TACR3: variants seen among roughly 807,000 people sequenced by gnomAD.
The protein encoded by TACR3 is tachykinin receptor 3, also known as neuromedin-K receptor.
TACR3 carries 34 observed loss-of-function variants against 35.0 expected under a neutral mutation model. That is an observed-to-expected ratio of 0.97 (90% confidence interval 0.74 to 1.30). TACR3 has a LOEUF of 1.30. Among genes scored for constraint, TACR3 ranks in the 50% most tolerant of loss-of-function variants. The probability of loss-of-function intolerance (pLI) is 0.00; values close to 1 mark genes in which losing one functional copy is unlikely to be tolerated. For missense variants in TACR3, 558 were observed against 591.7 expected (o/e 0.94, Z 0.59); for synonymous variants, 233 against 221.1 (o/e 1.05, Z -0.48).
intron 3 of TACR3, among the ~76,000 whole-genome samples, chr4:103,609,766 A>G (rs1044708068): frequency 6.6e-6 from 1 of 151,676 alleles, no homozygotes; most frequent in African/African-American, 2.4e-5. Context: ...CTCTCCTGCC[A>G]CTCTCCTCAG....
At chr4:103,711,219 T>C (rs915542024) in intron 1 of TACR3, among the ~76,000 whole-genome samples, 3 of 152,178 alleles carry the variant, frequency 2.0e-5, no homozygotes, top group Non-Finnish European at 4.4e-5. Flanking sequence ...ATATCCCTGA[T>C]GAACATTGAT....
intron 3 of TACR3, among the ~76,000 whole-genome samples, chr4:103,605,711 A>T (rs1317394276): frequency 6.6e-6 from 1 of 151,726 alleles, no homozygotes; most frequent in Admixed American, 6.6e-5. Context: ...TTCATTGTAG[A>T]TTCTGGATAT....
At chr4:103,604,970 TCCCTCCC>T (rs1365688741) in intron 3 of TACR3, among the ~76,000 whole-genome samples, 1 of 122,508 alleles carries the variant, frequency 8.2e-6, no homozygotes, top group Non-Finnish European at 1.7e-5. Context: ...CCCAATGCTA[TCCCTCCC>T]CCCTCCCCCC....
intron 1 of TACR3, among the ~76,000 whole-genome samples, chr4:103,703,954 T>A (rs575057456): frequency 9.9e-5 from 15 of 150,900 alleles, no homozygotes; most frequent in African/African-American, 2.9e-4. Context: ...ACAAAAAAAA[T>A]TTAGCAGGGC....
At position 103,707,144 on chromosome 4, in the gene TACR3, A is replaced by G. The variant is rs559082585; in HGVS notation, c.548+11984T>C. 5.3e-5 allele frequency among the ~76,000 whole-genome samples: 8 copies of G among 152,308 alleles called. No homozygotes were observed. In the South Asian group the frequency reaches 1.7e-3, roughly 32 times the overall value. On this transcript the variant is annotated intron_variant, in intron 1 of 4. Coordinates refer to ENST00000304883, the MANE Select transcript of TACR3 (RefSeq NM_001059.3). ...TGCATTTATGACAGTGTATTTGAGG[A>G]TATTTTCTTCTTTTTACTCATACAA...
At chr4:103,602,376 C>G (rs761963838) in intron 3 of TACR3, among the ~76,000 whole-genome samples, 1 of 152,202 alleles carries the variant, frequency 6.6e-6, no homozygotes, top group Non-Finnish European at 1.5e-5. Context: ...AAGCCTTCTT[C>G]TCTCAACTCC....
chr4:103,710,374 C>A (rs1019616103), intron 1 of TACR3, among the ~76,000 whole-genome samples: 1 of 152,106 alleles, frequency 6.6e-6, no homozygotes, highest in African/African-American at 2.4e-5. Flanking sequence ...TGCTCAAGTG[C>A]ATGGAAACTG....
At chr4:103,696,726 A>G (rs1431854828) in intron 1 of TACR3, among the ~76,000 whole-genome samples, 2 of 152,130 alleles carry the variant, frequency 1.3e-5, no homozygotes, top group African/African-American at 4.8e-5. Flanking sequence ...TTCACCTTTC[A>G]TAATTCCCTC....
At chr4:103,616,636 T>C (rs560350995) in intron 3 of TACR3, among the ~76,000 whole-genome samples, 2 of 152,180 alleles carry the variant, frequency 1.3e-5, no homozygotes, top group South Asian at 2.1e-4. Context: ...TAAAATAGAT[T>C]TCCCTAACAA....
Position 103,586,103 on chromosome 4 carries a change from G to A in TACR3, c.*3579C>T, listed in dbSNP as rs555724900. ...TTAAATCTGTCACATTATCACATAT[G>A]CAAAGGGTGTAAATACATTAAACAT... On this transcript the variant is annotated 3_prime_UTR_variant, in exon 5 of 5. Coordinates refer to ENST00000304883, the MANE Select transcript of TACR3 (RefSeq NM_001059.3). 4 of 152,020 alleles carry A rather than the reference G, an allele frequency of 2.6e-5. No individual in the cohort carries two copies. The South Asian group carries it at 6.2e-4, about 24-fold the overall frequency. 9.4% of individuals were successfully genotyped at this position (152,020 alleles called of 1,614,324 possible).
intron 1 of TACR3, 147 bp downstream of exon 1, chr4:103,718,981 G>C: frequency 9.2e-7 from 1 of 1,086,164 alleles, no homozygotes; most frequent in Non-Finnish European, 1.4e-6. Flanking sequence ...GCTACAAATG[G>C]GTTAGTGTCC....
chr4:103,591,372 A>G (rs1017677249), intron 4 of TACR3, 115 bp downstream of exon 4: 24 of 1,272,768 alleles, frequency 1.9e-5, no homozygotes, highest in Non-Finnish European at 2.7e-5. Context: ...GTGAATTCTT[A>G]AATTTTCCCT....
intron 3 of TACR3, among the ~76,000 whole-genome samples, chr4:103,630,006 T>C (rs1725023154): frequency 6.6e-6 from 1 of 151,718 alleles, no homozygotes; most frequent in Non-Finnish European, 1.5e-5. Context: ...AGACCAATGG[T>C]ACAGAATAGA....
intron 1 of TACR3, among the ~76,000 whole-genome samples, chr4:103,712,560 A>G (rs532719608): frequency 7.9e-5 from 12 of 152,328 alleles, no homozygotes; most frequent in African/African-American, 2.9e-4. Flanking sequence ...GGTCATAGGC[A>G]TGGGCAAGGA....
chr4:103,713,381 C>T (rs936051025), intron 1 of TACR3, among the ~76,000 whole-genome samples: 1 of 147,078 alleles, frequency 6.8e-6, no homozygotes, highest in Non-Finnish European at 1.5e-5. Context: ...GACAAAAAAC[C>T]AAACAGCGCA....
rs145398386 is a variant in TACR3 at position 103,683,209 on chromosome 4, G to A, written c.549-24806C>T. 3.5e-3 allele frequency among the ~76,000 whole-genome samples: 530 copies of A among 151,876 alleles called. 2 individuals carry two copies. Among genetic ancestry groups the A allele is most frequent in the African/African-American group, 0.012 (516 of 41,390 alleles). ...AAACCTGTGGGATTCAACTAAAACA[G>A]TACTTGTATGTAAATTTACAGAATT... On this transcript the variant is annotated intron_variant, in intron 1 of 4. Coordinates refer to ENST00000304883, the MANE Select transcript of TACR3 (RefSeq NM_001059.3).
At chr4:103,684,964 C>G (rs1722193711) in intron 1 of TACR3, among the ~76,000 whole-genome samples, 1 of 150,812 alleles carries the variant, frequency 6.6e-6, no homozygotes, top group Non-Finnish European at 1.5e-5. Flanking sequence ...AGCCTGGTGA[C>G]AGAGCAAGGC....
chr4:103,699,841 A>G (rs574130899), intron 1 of TACR3, among the ~76,000 whole-genome samples: 2 of 151,322 alleles, frequency 1.3e-5, no homozygotes, highest in East Asian at 4.0e-4. Context: ...TCTGTTTTGG[A>G]TGTGTAAATC....
At chr4:103,628,595 C>T (rs1450940853) in intron 3 of TACR3, among the ~76,000 whole-genome samples, 1 of 151,244 alleles carries the variant, frequency 6.6e-6, no homozygotes, top group Non-Finnish European at 1.5e-5. Flanking sequence ...CAACACTAAA[C>T]CAGGAAGAAG....
Sources: gnomAD v4.1 joint callset for allele counts (sites outside exome capture counted in the v4.1 genomes callset) on GRCh38, gnomAD v4.1.1 for gene constraint, MANE v1.5 for transcripts, NCBI Gene and HGNC (gene_info 2026-07-23, HGNC 2026-07-21) for gene names.